Variants in ZNF609 observed in about 807,000 individuals in gnomAD.
ZNF609 encodes zinc finger protein 609.
Under a neutral mutation model 109.5 loss-of-function variants are expected in ZNF609, and 11 were observed. That is an observed-to-expected ratio of 0.10 (90% CI 0.06 to 0.17). The LOEUF is 0.17. Ranked by LOEUF, ZNF609 falls within the 10% of genes least tolerant of loss-of-function variation. ZNF609 has a pLI of 1.00. For synonymous variants in ZNF609, 646 were observed against 662.0 expected (o/e 0.98, Z 0.37); for missense variants, 1,559 against 1,772.4 (o/e 0.88, Z 2.16).
chr15:64,628,223 C>T (rs895682052), intron 3 of ZNF609, among the ~76,000 whole-genome samples: 3 of 151,934 alleles, frequency 2.0e-5, no homozygotes, highest in Non-Finnish European at 4.4e-5. Context: ...ATCACTTGAA[C>T]CCAGGAGTTC....
chr15:64,511,610 CG>C (rs1893732464), intron 2 of ZNF609, among the ~76,000 whole-genome samples: 1 of 151,626 alleles, frequency 6.6e-6, no homozygotes, highest in Admixed American at 6.6e-5. Context: ...GTTTCTTGGT[CG>C]TGAGACAGCT....
intron 1 of ZNF609, among the ~76,000 whole-genome samples, chr15:64,495,395 T>C (rs1312402667): frequency 6.6e-6 from 1 of 152,166 alleles, no homozygotes; most frequent in African/African-American, 2.4e-5. Flanking sequence ...TTTTTTTGTT[T>C]GCTGGTTGAA....
At chr15:64,538,931 C>T (rs376430445) in intron 2 of ZNF609, among the ~76,000 whole-genome samples, 1 of 151,202 alleles carries the variant, frequency 6.6e-6, no homozygotes, top group South Asian at 2.1e-4. Flanking sequence ...AATTCCTGGG[C>T]TCACGCAATC....
intron 3 of ZNF609, among the ~76,000 whole-genome samples, chr15:64,624,086 A>G (rs921695872): frequency 1.3e-5 from 2 of 152,172 alleles, no homozygotes; most frequent in African/African-American, 4.8e-5. Context: ...GTCATTCAGT[A>G]TTTATTTAAA....
At chr15:64,550,110 C>T (rs1157452439) in intron 2 of ZNF609, among the ~76,000 whole-genome samples, 1 of 152,068 alleles carries the variant, frequency 6.6e-6, no homozygotes, top group Non-Finnish European at 1.5e-5. Flanking sequence ...CACCACCACA[C>T]CCAGCTAATT....
chr15:64,557,225 A>G (rs1178542822), intron 2 of ZNF609, among the ~76,000 whole-genome samples: 1 of 151,898 alleles, frequency 6.6e-6, no homozygotes, highest in African/African-American at 2.4e-5. Flanking sequence ...GATACCAAAA[A>G]AATGTGTAAT....
intron 2 of ZNF609, chr15:64,500,401 G>A (rs1245282225): frequency 1.4e-6 from 1 of 737,284 alleles, no homozygotes; most frequent in African/African-American, 1.7e-5. Context: ...GTTGTTGGGG[G>A]CAGCTACTTT....
intron 2 of ZNF609, among the ~76,000 whole-genome samples, chr15:64,604,577 C>T (rs1245129016): frequency 6.6e-6 from 1 of 152,170 alleles, no homozygotes; most frequent in Non-Finnish European, 1.5e-5. Context: ...TGTATTATAA[C>T]ATCAGTGACT....
At chr15:64,636,865 C>T (rs1017317136) in intron 3 of ZNF609, among the ~76,000 whole-genome samples, 1 of 152,170 alleles carries the variant, frequency 6.6e-6, no homozygotes, top group South Asian at 2.1e-4. Flanking sequence ...CACTTGTCTA[C>T]AGGAGTCACA....
chr15:64,604,863 G>A (rs1465056527), intron 2 of ZNF609, among the ~76,000 whole-genome samples: 4 of 151,286 alleles, frequency 2.6e-5, no homozygotes, highest in Non-Finnish European at 4.4e-5. Flanking sequence ...ATGGAGTCTC[G>A]CTCTATCGCC....
chr15:64,588,516 TTTG>T (rs1028806821), intron 2 of ZNF609, among the ~76,000 whole-genome samples: 3 of 151,060 alleles, frequency 2.0e-5, no homozygotes, highest in Non-Finnish European at 4.4e-5. Context: ...TTGTTTTTTG[TTTG>T]TTATTTGTGG....
At chr15:64,476,740 A>G (rs1893175933) in intron 1 of ZNF609, among the ~76,000 whole-genome samples, 3 of 152,102 alleles carry the variant, frequency 2.0e-5, no homozygotes, top group Admixed American at 2.0e-4. Flanking sequence ...AGACCTTCTA[A>G]CCCAGTTCCC....
intron 1 of ZNF609, among the ~76,000 whole-genome samples, chr15:64,464,224 G>T (rs936543945): frequency 6.6e-6 from 1 of 152,150 alleles, no homozygotes; most frequent in African/African-American, 2.4e-5. Context: ...GGGGTTTACT[G>T]ATTGCTCTGT....
intron 3 of ZNF609, among the ~76,000 whole-genome samples, chr15:64,644,751 A>T (rs1307052893): frequency 6.6e-6 from 1 of 152,208 alleles, no homozygotes; most frequent in East Asian, 1.9e-4. Flanking sequence ...GGCAAAATTG[A>T]TGGATGAGCT....
At chr15:64,627,663 CTTTTTTTTTTTT>C (rs35293725) in intron 3 of ZNF609, among the ~76,000 whole-genome samples, 4 of 86,014 alleles carry the variant, frequency 4.7e-5, no homozygotes, top group South Asian at 4.4e-4. Context: ...TTTTTTCTTT[CTTTTTTTTTTTT>C]TTTTTTTTTT....
chr15:64,515,166 A>G (rs1352804557), intron 2 of ZNF609, among the ~76,000 whole-genome samples: 1 of 152,150 alleles, frequency 6.6e-6, no homozygotes, highest in Admixed American at 6.6e-5. Context: ...ACAGCATTGT[A>G]TGTATCTTGA....
At chr15:64,599,440 G>T (rs1895458897) in intron 2 of ZNF609, among the ~76,000 whole-genome samples, 1 of 151,884 alleles carries the variant, frequency 6.6e-6, no homozygotes, top group Non-Finnish European at 1.5e-5. Flanking sequence ...AAATATTTGT[G>T]CAGTAAATCA....
chr15:64,466,628 G>A (rs528047274), intron 1 of ZNF609, among the ~76,000 whole-genome samples: 8 of 152,342 alleles, frequency 5.3e-5, no homozygotes, highest in African/African-American at 1.4e-4. Context: ...CTAGCTTTAA[G>A]TGGAAGTCTA....
chr15:64,609,068 C>CTTTA (rs1423992452), intron 2 of ZNF609, among the ~76,000 whole-genome samples: 4 of 23,552 alleles, frequency 1.7e-4, no homozygotes, highest in African/African-American at 4.6e-4. Context: ...TTTAATTTTT[C>CTTTA]TTTCTTTCTT....
Sources: gnomAD v4.1 joint callset for allele counts (sites outside exome capture counted in the v4.1 genomes callset) on GRCh38, gnomAD v4.1.1 for gene constraint, MANE v1.5 for transcripts, NCBI Gene and HGNC (gene_info 2026-07-23, HGNC 2026-07-21) for gene names.